The following SLFN5 variants were observed in gnomAD, a reference collection of about 807,000 sequenced individuals.
SLFN5 encodes the protein schlafen family member 5.
In SLFN5, 34 loss-of-function variants were observed where a neutral mutation model predicts 48.5. The observed-to-expected ratio is 0.70, with a 90% CI of 0.53 to 0.93. The LOEUF is 0.93. SLFN5 is among the 40% of genes least tolerant of loss of function. The probability of loss-of-function intolerance (pLI) is 0.00; values close to 1 mark genes in which losing one functional copy is unlikely to be tolerated. For synonymous variants in SLFN5, 387 were observed against 396.2 expected, an observed-to-expected ratio of 0.98 and a Z score of 0.28; for missense variants, 1,006 against 1,071.3, an observed-to-expected ratio of 0.94 and a Z score of 0.85.
At chr17:35,250,862 C>T (rs2092440794) in intron 1 of SLFN5, among the ~76,000 whole-genome samples, 3 of 152,116 alleles carry the variant, frequency 2.0e-5, no homozygotes, top group Admixed American at 2.0e-4. Context: ...AAACACAATT[C>T]ATTATTTGAA....
chr17:35,261,194 G>A, intron 3 of SLFN5, 98 bp downstream of exon 3: 1 of 1,372,030 alleles, frequency 7.3e-7, no homozygotes, highest in South Asian at 1.7e-5. Flanking sequence ...CAATTCCAGA[G>A]GTTTAAGGAC....
intron 1 of SLFN5, among the ~76,000 whole-genome samples, chr17:35,243,989 C>G (rs1010626635): frequency 6.6e-6 from 1 of 152,104 alleles, no homozygotes; most frequent in African/African-American, 2.4e-5. Context: ...TTTCAGGGAA[C>G]CTCGGGGAAA....
Position 35,264,689 on chromosome 17 carries a change from G to C in SLFN5, c.1645G>C (p.Gly549Arg). The C allele has an allele frequency of 6.2e-7, 1 of 1,611,220 alleles. No individual in the cohort carries two copies. The highest frequency in any genetic ancestry group is 2.2e-5 in the East Asian group (1 of 44,882). The change falls in exon 4 of 5, where the codon GGC becomes CGC. Residue 549 changes from glycine to arginine, a missense_variant. Gly to Arg is a moderately radical substitution (Grantham distance 125). Transcript: ENST00000299977. ...CAAATCCTTCTTAAGTGAAGAGCTG[G>C]GCTCTGAGGTTTTGAACCTACTGAC... ...GFKSFLSEEL[G>R]SEVLNLLTNK...
At position 35,258,712 on chromosome 17, in the gene SLFN5, G is replaced by C; in HGVS notation, c.22G>C (p.Asp8His). 1 of 1,613,900 alleles carries C rather than the reference G, an allele frequency of 6.2e-7. No homozygotes were observed. Among genetic ancestry groups the C allele is most frequent in the Non-Finnish European group, 8.5e-7 (1 of 1,179,880 alleles). Residue 8 changes from aspartate to histidine, a missense_variant, in exon 2 of 5, where the codon GAT (aspartate) becomes CAT (histidine). Physicochemically the swap from Asp to His is moderately conservative, Grantham distance 81. Transcript: ENST00000299977. ...GAAGATGAGTCTTAGGATTGATGTG[G>C]ATACAAACTTTCCTGAGTGTGTTGT... MSLRIDV[D>H]TNFPECVVDA...
intron 1 of SLFN5, among the ~76,000 whole-genome samples, chr17:35,244,461 G>A (rs2092426162): frequency 6.6e-6 from 1 of 152,120 alleles, no homozygotes; most frequent in Admixed American, 6.5e-5. Flanking sequence ...AATGGCTAAA[G>A]TTTGTCTGGC....
intron 1 of SLFN5, among the ~76,000 whole-genome samples, chr17:35,246,205 G>A (rs1386408585): frequency 6.6e-6 from 1 of 151,984 alleles, no homozygotes; most frequent in East Asian, 1.9e-4. Flanking sequence ...TACTTTTTGA[G>A]TGTTCTATAT....
intron 1 of SLFN5, among the ~76,000 whole-genome samples, chr17:35,251,773 G>A (rs1282974711): frequency 7.1e-6 from 1 of 140,328 alleles, no homozygotes; most frequent in African/African-American, 2.7e-5. Context: ...GAGTGCAATG[G>A]CATGATTTCG....
chr17:35,248,068 G>A (rs1301097711), intron 1 of SLFN5, among the ~76,000 whole-genome samples: 1 of 152,198 alleles, frequency 6.6e-6, no homozygotes, highest in South Asian at 2.1e-4. Context: ...ATGGTCAACA[G>A]CTCTCATGGG....
At chr17:35,254,542 G>A (rs2092450216) in intron 1 of SLFN5, among the ~76,000 whole-genome samples, 1 of 152,168 alleles carries the variant, frequency 6.6e-6, no homozygotes, top group South Asian at 2.1e-4. Flanking sequence ...CAACTCTTAC[G>A]ACACAGGGTT....
At chr17:35,255,498 A>C (rs2092452151) in intron 1 of SLFN5, among the ~76,000 whole-genome samples, 1 of 152,232 alleles carries the variant, frequency 6.6e-6, no homozygotes, top group South Asian at 2.1e-4. Flanking sequence ...AGCGGAATCT[A>C]ATCTAATCTG....
chr17:35,264,585 AC>A lies in SLFN5; in HGVS notation c.1544del (p.Pro515LeufsTer7). ...QSVYSSYLQI[Y>X]PESYNFMTPQ... The stretch of plus-strand genomic sequence containing the variant: ...GTTTACAGTTCGTATTTACAAATTT[AC>A]CCTGAATCCTATAACTTCATGACCC... On this transcript the variant is annotated frameshift_variant, in exon 4 of 5. Coordinates refer to ENST00000299977, the MANE Select transcript of SLFN5 (RefSeq NM_144975.4). LOFTEE classifies it high-confidence loss of function. 1 of 1,614,060 alleles carries A rather than the reference AC, an allele frequency of 6.2e-7. No individual in the cohort carries two copies. Among genetic ancestry groups the A allele is most frequent in the Non-Finnish European group, 8.5e-7 (1 of 1,180,024 alleles).
rs2142714202 is a variant in SLFN5 at position 35,273,638 on chromosome 17, T to C, written c.*7750T>C. The C allele has an allele frequency of 6.6e-6, 1 of 152,232 alleles. No individual in the cohort carries two copies. The highest frequency in any genetic ancestry group is 3.4e-3 in the Middle Eastern group (1 of 294). The allele number at this position is 152,232 out of a possible 1,614,324, so 9.4% of individuals were successfully genotyped here. A position where few individuals can be genotyped will look rare whatever the true frequency, so the allele number is the denominator to read the frequency against. On this transcript the variant is annotated 3_prime_UTR_variant, in exon 5 of 5. Transcript: ENST00000299977. ...AAGCTTTTTTTTTAAATAAAAGAAA[T>C]GCAATATTGCAATTAAATTTGTGTT...
In SLFN5 at chr17:35,252,544, C is replaced by G. The variant is rs1331140867; in HGVS notation, c.-40-6107C>G. ...TTTTGTTCCTCTATAGATAATGTGC[C>G]TTTTTCCTCTGGATGCTTTTAAGAT... On this transcript the variant is annotated intron_variant, in intron 1 of 4. Coordinates refer to ENST00000299977, the MANE Select transcript of SLFN5 (RefSeq NM_144975.4). Among the ~76,000 whole-genome samples the G allele has an allele frequency of 2.6e-5, 4 of 152,246 alleles. No individual in the cohort carries two copies. The East Asian group carries it at 7.7e-4, about 29-fold the overall frequency.
In SLFN5 at chr17:35,266,302, A is replaced by G. The variant is rs116638609; in HGVS notation, c.*414A>G. The G allele has an allele frequency of 5.8e-3, 905 of 155,650 alleles. 13 individuals carry two copies. The highest frequency in any genetic ancestry group is 0.021 in the African/African-American group (875 of 41,612). The allele number at this position is 155,650 out of a possible 1,614,324, so 9.6% of individuals were successfully genotyped here. A position where few individuals can be genotyped will look rare whatever the true frequency, so the allele number is the denominator to read the frequency against. ...CTCTGAGCGTGCCAGGCAGACTCGG[A>G]TATTTTTATAAATTTTTAACATGGC... On this transcript the variant is annotated 3_prime_UTR_variant, in exon 5 of 5. Coordinates refer to ENST00000299977, the MANE Select transcript of SLFN5 (RefSeq NM_144975.4).
intron 1 of SLFN5, among the ~76,000 whole-genome samples, chr17:35,252,249 G>T (rs1472017327): frequency 1.3e-5 from 2 of 152,034 alleles, no homozygotes; most frequent in African/African-American, 2.4e-5. Context: ...AGGCAATCTT[G>T]TAAGACCCTA....
intron 3 of SLFN5, among the ~76,000 whole-genome samples, chr17:35,262,916 C>G (rs1230502039): frequency 2.6e-4 from 39 of 152,240 alleles, no homozygotes; most frequent in Non-Finnish European, 8.8e-5. Context: ...CTCCCCAAAT[C>G]CCTAACCTCT....
chr17:35,266,175 T>TGCGCGCGC lies in SLFN5; in HGVS notation c.*288_*289insCGCGCGCG, dbSNP rs1280248406. 7 of 200,882 alleles carry TGCGCGCGC rather than the reference T, an allele frequency of 3.5e-5. No homozygotes were observed. The highest frequency in any genetic ancestry group is 2.1e-4 in the African/African-American group (7 of 33,618). 12.4% of individuals were successfully genotyped at this position (200,882 alleles called of 1,614,324 possible). A position where few individuals can be genotyped will look rare whatever the true frequency, so the allele number is the denominator to read the frequency against. ...GTGTGTGTGTGTGTGTGTGTGTGTG[T>TGCGCGCGC]GTGCGCGCGCGCACGTGCACATGTG... On this transcript the variant is annotated 3_prime_UTR_variant, in exon 5 of 5. Transcript: ENST00000299977.
At chr17:35,250,901 T>G (rs1036871205) in intron 1 of SLFN5, among the ~76,000 whole-genome samples, 11 of 152,208 alleles carry the variant, frequency 7.2e-5, no homozygotes, top group African/African-American at 2.7e-4. Context: ...GGATAAATAT[T>G]CTCTCCTGAT....
At position 35,258,848 on chromosome 17, in the gene SLFN5, C is replaced by G; in HGVS notation, c.158C>G (p.Ser53Cys). 1 of 1,614,172 alleles carries G rather than the reference C, an allele frequency of 6.2e-7. No homozygotes were observed. The highest frequency in any genetic ancestry group is 1.1e-5 in the South Asian group (1 of 91,074). ...ILRAVCALLNSGGGIIKAEIE... is the reference protein window; with the variant it reads ...ILRAVCALLNCGGGIIKAEIE... Reference sequence around the variant, plus strand: ...CGAGCAGTATGTGCTCTGCTGAATTCTGGTGGGGGCATAATCAAGGCTGAG... The same window carrying G: ...CGAGCAGTATGTGCTCTGCTGAATTGTGGTGGGGGCATAATCAAGGCTGAG... Residue 53 changes from serine (S) to cysteine (C), a missense_variant, in exon 2 of 5, where the codon TCT (serine) becomes TGT (cysteine). By Grantham distance (112) the Ser-to-Cys change is moderately radical. Transcript: ENST00000299977.
Sources: gnomAD v4.1 joint callset for allele counts (sites outside exome capture counted in the v4.1 genomes callset) on GRCh38, gnomAD v4.1.1 for gene constraint, MANE v1.5 for transcripts, NCBI Gene and HGNC (gene_info 2026-07-23, HGNC 2026-07-21) for gene names.